The following KCNIP1 variants were observed in gnomAD, a reference collection of about 807,000 sequenced individuals.
The protein encoded by KCNIP1 is A-type potassium channel modulatory protein KCNIP1.
Under a neutral mutation model 33.0 loss-of-function variants are expected in KCNIP1, and 18 were observed. That is an observed-to-expected ratio of 0.55 (90% CI 0.38 to 0.81). KCNIP1 has a LOEUF of 0.81. KCNIP1 is among the 30% of genes least tolerant of loss of function. KCNIP1 has a pLI of 0.00. For synonymous variants in KCNIP1, 93 were observed against 98.3 expected, an observed-to-expected ratio of 0.95 and a Z score of 0.32; for missense variants, 238 against 271.6, an observed-to-expected ratio of 0.88 and a Z score of 0.87.
At chr5:170,650,338 G>A (rs1187598611) in intron 1 of KCNIP1, among the ~76,000 whole-genome samples, 3 of 125,100 alleles carry the variant, frequency 2.4e-5, no homozygotes, top group Admixed American at 1.7e-4. Context: ...CTCCCACCCT[G>A]CCATCCCCCA....
chr5:170,383,350 T>G, intron 1 of KCNIP1: 1 of 582,330 alleles, frequency 1.7e-6, no homozygotes, highest in South Asian at 2.1e-5. Context: ...CCACTCAGCA[T>G]CAAGCGTGGC....
chr5:170,393,784 C>G (rs769239536), intron 1 of KCNIP1, among the ~76,000 whole-genome samples: 2 of 152,112 alleles, frequency 1.3e-5, no homozygotes, highest in Non-Finnish European at 2.9e-5. Flanking sequence ...TTTCCTCTGA[C>G]TCTTTTCACC....
chr5:170,519,075 C>T (rs1322096321), intron 1 of KCNIP1, among the ~76,000 whole-genome samples: 2 of 152,186 alleles, frequency 1.3e-5, no homozygotes, highest in East Asian at 3.8e-4. Flanking sequence ...AAGGAATAAT[C>T]TCGCACCAGC....
At chr5:170,485,424 G>A (rs899706445) in intron 1 of KCNIP1, among the ~76,000 whole-genome samples, 2 of 152,228 alleles carry the variant, frequency 1.3e-5, no homozygotes, top group Non-Finnish European at 2.9e-5. Context: ...TCTGGGCCCA[G>A]GGTGTGGACG....
At chr5:170,638,591 G>A (rs895215762) in intron 1 of KCNIP1, among the ~76,000 whole-genome samples, 4 of 152,200 alleles carry the variant, frequency 2.6e-5, no homozygotes, top group Admixed American at 2.0e-4. Context: ...GGGGATAGGT[G>A]TGTCACTTAC....
intron 1 of KCNIP1, among the ~76,000 whole-genome samples, chr5:170,660,842 G>A (rs1231052808): frequency 1.3e-5 from 2 of 152,242 alleles, no homozygotes; most frequent in Non-Finnish European, 2.9e-5. Context: ...GTCCTGGACA[G>A]GAGCCAGCGT....
chr5:170,581,922 GATCAC>G (rs143219821), intron 1 of KCNIP1, among the ~76,000 whole-genome samples: 9,112 of 152,238 alleles, frequency 0.06, 299 homozygotes, highest in South Asian at 0.095. Flanking sequence ...GATGTGCAGA[GATCAC>G]ATGGCAAGAA....
At chr5:170,732,689 C>A (rs1271380736) in intron 5 of KCNIP1, 111 bp from the exon 6 acceptor site, 8 of 692,644 alleles carry the variant, frequency 1.2e-5, no homozygotes, top group South Asian at 1.0e-4. Context: ...AAGGACCTCA[C>A]CTTTTAATCA....
intron 1 of KCNIP1, among the ~76,000 whole-genome samples, chr5:170,702,042 C>G (rs966270872): frequency 6.6e-6 from 1 of 152,168 alleles, no homozygotes; most frequent in African/African-American, 2.4e-5. Flanking sequence ...AGCGGTTCCC[C>G]TAAAAACCTA....
At chr5:170,395,233 C>G (rs901903187) in intron 1 of KCNIP1, among the ~76,000 whole-genome samples, 2 of 152,190 alleles carry the variant, frequency 1.3e-5, no homozygotes, top group Non-Finnish European at 2.9e-5. Flanking sequence ...AAAGCATTCC[C>G]TTTTCTCTGC....
At chr5:170,726,843 G>A (rs1764024804) in intron 5 of KCNIP1, among the ~76,000 whole-genome samples, 1 of 151,804 alleles carries the variant, frequency 6.6e-6, no homozygotes, top group Admixed American at 6.6e-5. Context: ...CCTGGGGAGT[G>A]GAGGTTGCAG....
chr5:170,472,367 C>T (rs1348647077), intron 1 of KCNIP1, among the ~76,000 whole-genome samples: 1 of 152,188 alleles, frequency 6.6e-6, no homozygotes, highest in Non-Finnish European at 1.5e-5. Flanking sequence ...GTCCGCCCGC[C>T]TGGGTAAGGG....
chr5:170,556,975 T>G (rs1433476104), intron 1 of KCNIP1, among the ~76,000 whole-genome samples: 1 of 152,164 alleles, frequency 6.6e-6, no homozygotes, highest in East Asian at 1.9e-4. Flanking sequence ...AGGCCTGAGT[T>G]TATATCCCAC....
At chr5:170,435,837 T>C (rs75686846) in intron 1 of KCNIP1, among the ~76,000 whole-genome samples, 8,850 of 152,162 alleles carry the variant, frequency 0.058, 494 homozygotes, top group African/African-American at 0.13. Flanking sequence ...GACAGGTACC[T>C]GGAATTTCTC....
At chr5:170,505,388 A>G (rs1323827890) in intron 1 of KCNIP1, among the ~76,000 whole-genome samples, 2 of 152,166 alleles carry the variant, frequency 1.3e-5, no homozygotes, top group Non-Finnish European at 2.9e-5. Flanking sequence ...CCTGGAGGAC[A>G]ATGCAGGTCT....
chr5:170,503,404 A>AAAG (rs1554096865), upstream of KCNIP1, among the ~76,000 whole-genome samples: 2 of 151,130 alleles, frequency 1.3e-5, no homozygotes, highest in Admixed American at 6.6e-5. Context: ...AAAAAAAAAA[A>AAAG]AAAAAGAAAA....
At chr5:170,370,312 A>T (rs1763811237) in intron 1 of KCNIP1, among the ~76,000 whole-genome samples, 1 of 152,224 alleles carries the variant, frequency 6.6e-6, no homozygotes, top group Non-Finnish European at 1.5e-5. Context: ...CACATTCATG[A>T]TTGATGATAC....
intron 1 of KCNIP1, among the ~76,000 whole-genome samples, chr5:170,532,329 G>A (rs1755817069): frequency 6.6e-6 from 1 of 152,192 alleles, no homozygotes; most frequent in Non-Finnish European, 1.5e-5. Flanking sequence ...CCTACTCTCT[G>A]GGGTTGCATT....
At chr5:170,429,814 A>G (rs1056458741) in intron 1 of KCNIP1, among the ~76,000 whole-genome samples, 2 of 152,222 alleles carry the variant, frequency 1.3e-5, no homozygotes, top group African/African-American at 4.8e-5. Flanking sequence ...TTAAATGCTT[A>G]TATATATACA....
Sources: gnomAD v4.1 joint callset for allele counts (sites outside exome capture counted in the v4.1 genomes callset) on GRCh38, gnomAD v4.1.1 for gene constraint, MANE v1.5 for transcripts, NCBI Gene and HGNC (gene_info 2026-07-23, HGNC 2026-07-21) for gene names.